Variants in EZH2 observed in about 807,000 individuals in gnomAD.
EZH2 encodes histone-lysine N-methyltransferase EZH2.
Under a neutral mutation model 98.4 loss-of-function variants are expected in EZH2, and 18 were observed. The ratio of observed to expected loss-of-function variants is 0.18; its 90% CI spans 0.13 to 0.27. EZH2 has a LOEUF of 0.27. EZH2 is among the 10% of genes least tolerant of loss of function. The pLI is 1.00. For synonymous variants in EZH2, 338 were observed against 312.3 expected (o/e 1.08, Z -0.87); for missense variants, 470 against 935.1 (o/e 0.50, Z 6.49).
rs530239078 is a variant in EZH2 at position 148,817,351 on chromosome 7, T to C, written c.1281A>G (p.Pro427=). 168 of 1,613,984 alleles carry C rather than the reference T, an allele frequency of 1.0e-4. 4 individuals are homozygous for C. The South Asian group carries it at 1.8e-3, about 17-fold the overall frequency. The change falls in exon 11 of 20, where the codon CCA becomes CCG. Residue 427 remains proline, a synonymous_variant. Transcript: ENST00000320356. ...SRCQTPIKMK[P]NIEPPENVEW... ...CCACATTCTCAGGAGGTTCAATATTTGGCTTCATCTTTATTGGTGTTTGAC... is the reference window on the plus strand; with the variant it reads ...CCACATTCTCAGGAGGTTCAATATTCGGCTTCATCTTTATTGGTGTTTGAC...
chr7:148,867,310 G>C (rs1441199623), intron 1 of EZH2, among the ~76,000 whole-genome samples: 1 of 151,936 alleles, frequency 6.6e-6, no homozygotes, highest in African/African-American at 2.4e-5. Context: ...TGGGCAAAAA[G>C]AGCAAAACTC....
intron 5 of EZH2, among the ~76,000 whole-genome samples, 159 bp downstream of exon 5, chr7:148,829,569 C>G (rs975584454): frequency 6.6e-6 from 1 of 152,160 alleles, no homozygotes; most frequent in Non-Finnish European, 1.5e-5. Flanking sequence ...AGGGAAAATA[C>G]TGAAAATCTT....
chr7:148,846,954 G>A (rs1288665210), intron 2 of EZH2, among the ~76,000 whole-genome samples: 1 of 151,044 alleles, frequency 6.6e-6, no homozygotes, highest in East Asian at 1.9e-4. Context: ...ATTTAGGGAG[G>A]CATTTCTGCA....
At chr7:148,826,674 A>G (rs375033232) in intron 7 of EZH2, 42 bp from the exon 8 acceptor site, 66 of 1,411,616 alleles carry the variant, frequency 4.7e-5, no homozygotes, top group Non-Finnish European at 5.6e-5. Flanking sequence ...ATGAAACAAA[A>G]ATCACTTTTT....
At chr7:148,876,794 T>A (rs779229978) in intron 1 of EZH2, among the ~76,000 whole-genome samples, 1 of 152,200 alleles carries the variant, frequency 6.6e-6, no homozygotes, top group Non-Finnish European at 1.5e-5. Context: ...CGGTATCTAG[T>A]CTCCCTTATA....
At chr7:148,838,779 G>A (rs116987606) in intron 3 of EZH2, among the ~76,000 whole-genome samples, 4,747 of 152,278 alleles carry the variant, frequency 0.031, 103 homozygotes, top group Non-Finnish European at 0.05. Flanking sequence ...AAGACCAGGC[G>A]CAGTGGCTCA....
chr7:148,844,342 G>C (rs1436560870), intron 3 of EZH2, among the ~76,000 whole-genome samples: 1 of 152,188 alleles, frequency 6.6e-6, no homozygotes, highest in Non-Finnish European at 1.5e-5. Context: ...GATTTATTGT[G>C]ATAACACCAA....
At chr7:148,883,570 G>A (rs969747359) in intron 1 of EZH2, 26 of 150,032 alleles carry the variant, frequency 1.7e-4, no homozygotes, top group African/African-American at 5.3e-4. Context: ...CGTGCGCGAG[G>A]CGAGGGCCGA....
chr7:148,872,225 G>A (rs1819522481), intron 1 of EZH2, among the ~76,000 whole-genome samples: 1 of 152,170 alleles, frequency 6.6e-6, no homozygotes, highest in Admixed American at 6.6e-5. Context: ...AGCAAAATAA[G>A]CTAATCACAA....
Position 148,872,801 on chromosome 7 carries a change from A to C in EZH2, c.-8+11363T>G, listed in dbSNP as rs113812437. Among the ~76,000 whole-genome samples, 1,443 of 152,326 alleles carry C rather than the reference A, an allele frequency of 9.5e-3. 18 individuals are homozygous for C. Among genetic ancestry groups the C allele is most frequent in the African/African-American group, 0.033 (1,366 of 41,568 alleles). ...TAGTATCAAAAACTAAGAGACTAAA[A>C]TAGATAAAGCAGTCATGACATACTG... is the stretch of plus-strand genomic sequence containing the variant. On this transcript the variant is annotated intron_variant, in intron 1 of 19. Transcript: ENST00000320356.
intron 4 of EZH2, among the ~76,000 whole-genome samples, chr7:148,832,287 C>G (rs1809603372): frequency 6.6e-6 from 1 of 152,106 alleles, no homozygotes; most frequent in Non-Finnish European, 1.5e-5. Context: ...CCATATTGCC[C>G]AGGTGGATCT....
At chr7:148,821,309 A>T (rs991012465) in intron 8 of EZH2, among the ~76,000 whole-genome samples, 6 of 152,206 alleles carry the variant, frequency 3.9e-5, no homozygotes, top group African/African-American at 1.4e-4. Flanking sequence ...GCCCAACAGC[A>T]GCAGCAAGTT....
chr7:148,811,506 G>C (rs1387102204), intron 16 of EZH2, 119 bp downstream of exon 16: 8 of 751,614 alleles, frequency 1.1e-5, no homozygotes, highest in Non-Finnish European at 1.1e-5. Context: ...AGGCTGAAAA[G>C]GCAGTTTATG....
At chr7:148,873,433 A>G (rs996992833) in intron 1 of EZH2, among the ~76,000 whole-genome samples, 3 of 142,630 alleles carry the variant, frequency 2.1e-5, no homozygotes, top group Non-Finnish European at 4.5e-5. Context: ...CAGAGACTGC[A>G]GTGAGCCAAG....
intron 3 of EZH2, among the ~76,000 whole-genome samples, chr7:148,838,063 C>CTTTTTTTTT (rs35838307): frequency 9.9e-6 from 1 of 100,512 alleles, no homozygotes; most frequent in African/African-American, 3.9e-5. Flanking sequence ...GTTTAGACTC[C>CTTTTTTTTT]TTTTTTTTTT....
In EZH2 at chr7:148,817,757, C is replaced by A. The variant is rs747098453; in HGVS notation, c.1240+120G>T. 3.8e-6 allele frequency: 5 copies of A among 1,331,974 alleles called. No homozygotes were observed. In the East Asian group the frequency reaches 1.1e-4, roughly 31 times the overall value. 82.5% of individuals were successfully genotyped at this position (1,331,974 alleles called of 1,614,324 possible). A position where few individuals can be genotyped will look rare whatever the true frequency, so the allele number is the denominator to read the frequency against. ...ACACAGCTACACATTCTTGAGATAA[C>A]TCTGGTCTTTATACTGAAACTAACC... On this transcript the variant is annotated intron_variant, in intron 10 of 19. Transcript: ENST00000320356.
At chr7:148,829,314 T>C (rs1036297109) in intron 5 of EZH2, among the ~76,000 whole-genome samples, 19 of 152,138 alleles carry the variant, frequency 1.2e-4, no homozygotes, top group African/African-American at 4.3e-4. Context: ...ACTCTAAGGA[T>C]TGAATTTCAG....
intron 8 of EZH2, among the ~76,000 whole-genome samples, chr7:148,821,327 T>C (rs1330518701): frequency 6.6e-6 from 1 of 152,010 alleles, no homozygotes; most frequent in Non-Finnish European, 1.5e-5. Context: ...GTTTAATACC[T>C]AGAAATACTC....
At chr7:148,864,691 AAAAAAAAAGGAAAAAAAG>A in intron 1 of EZH2, among the ~76,000 whole-genome samples, 1 of 151,970 alleles carries the variant, frequency 6.6e-6, no homozygotes, top group South Asian at 2.1e-4. Context: ...CTCAAAAAAA[AAAAAAAAAGGAAAAAAAG>A]AAAAAAAAAG....
Sources: allele counts gnomAD v4.1 joint callset (sites outside exome capture counted in the v4.1 genomes callset), GRCh38; gene constraint gnomAD v4.1.1; transcripts MANE v1.5; gene names NCBI Gene and HGNC (gene_info 2026-07-23, HGNC 2026-07-21).